Variants in UBR1 observed in about 807,000 individuals in gnomAD.
UBR1 encodes ubiquitin protein ligase E3 component n-recognin 1, also known as E3 ubiquitin-protein ligase UBR1.
A neutral mutation model predicts 242.1 loss-of-function variants in UBR1; 102 were observed. The observed-to-expected ratio is 0.42, with a 90% CI of 0.36 to 0.50. The LOEUF (loss-of-function observed/expected upper bound fraction) is 0.50, where lower values mean the gene tolerates loss of function less well. Among genes scored for constraint, UBR1 ranks in the 20% least tolerant of loss-of-function variants. UBR1 has a pLI of 0.01. For synonymous variants in UBR1, 675 were observed against 684.8 expected, an observed-to-expected ratio of 0.99 and a Z score of 0.22; for missense variants, 1,772 against 2,101.8, an observed-to-expected ratio of 0.84 and a Z score of 3.07.
intron 15 of UBR1, among the ~76,000 whole-genome samples, chr15:43,040,947 G>A (rs1345289908): frequency 6.6e-6 from 1 of 152,150 alleles, no homozygotes; most frequent in Non-Finnish European, 1.5e-5. Flanking sequence ...GAAACAACAA[G>A]TGCTGGAGAG....
intron 1 of UBR1, among the ~76,000 whole-genome samples, chr15:43,088,842 CAA>C (rs57879485): frequency 9.2e-5 from 13 of 141,432 alleles, no homozygotes; most frequent in African/African-American, 2.8e-4. Context: ...TTGCAACTAA[CAA>C]AAAAAAAAAA....
intron 1 of UBR1, among the ~76,000 whole-genome samples, chr15:43,087,227 A>G (rs1270923431): frequency 6.6e-6 from 1 of 151,996 alleles, no homozygotes; most frequent in East Asian, 1.9e-4. Flanking sequence ...AACACAGTGA[A>G]ACCCCGCCTC....
chr15:42,988,729 T>C (rs2032512348), intron 35 of UBR1, 90 bp downstream of exon 35: 3 of 1,531,252 alleles, frequency 2.0e-6, no homozygotes, highest in African/African-American at 1.4e-5. Context: ...CAAATTATTC[T>C]GGGCCATCAG....
intron 1 of UBR1, among the ~76,000 whole-genome samples, chr15:43,103,664 T>C (rs962308140): frequency 6.6e-6 from 1 of 152,202 alleles, no homozygotes; most frequent in South Asian, 2.1e-4. Flanking sequence ...CTAATAGCAA[T>C]ATGAATGAAA....
intron 1 of UBR1, among the ~76,000 whole-genome samples, chr15:43,101,971 A>AG (rs2141373617): frequency 7.0e-6 from 1 of 142,096 alleles, no homozygotes; most frequent in South Asian, 2.3e-4. Context: ...TGGCTCACAA[A>AG]AAAAAAAAAA....
chr15:43,040,569 C>A (rs545919564), intron 15 of UBR1, among the ~76,000 whole-genome samples: 3 of 152,266 alleles, frequency 2.0e-5, no homozygotes, highest in South Asian at 2.1e-4. Context: ...ACACCAAAAG[C>A]AATGGCAACA....
intron 29 of UBR1, among the ~76,000 whole-genome samples, chr15:43,010,818 C>CAAAAAAAAAA (rs768275252): frequency 3.6e-3 from 203 of 56,066 alleles, no homozygotes; most frequent in Middle Eastern, 0.013. Flanking sequence ...ACTAAAAATA[C>CAAAAAAAAAA]AAAAAAAAAA....
chr15:43,014,502 G>A (rs1229907931), intron 29 of UBR1, among the ~76,000 whole-genome samples: 3 of 150,180 alleles, frequency 2.0e-5, no homozygotes, highest in South Asian at 4.2e-4. Context: ...GCCACCCATC[G>A]TCTGAGATGT....
chr15:42,976,825 G>A lies in UBR1; in HGVS notation c.4261C>T (p.Pro1421Ser). 3 of 1,613,914 alleles carry A rather than the reference G, an allele frequency of 1.9e-6. No individual in the cohort carries two copies. Among genetic ancestry groups the A allele is most frequent in the Non-Finnish European group, 2.5e-6 (3 of 1,179,960 alleles). The change falls in exon 39 of 47, where the codon CCT (proline) becomes TCT (serine). Residue 1421 changes from proline (P) to serine (S), a missense_variant. Physicochemically the swap from Pro to Ser is moderately conservative, Grantham distance 74. Coordinates refer to ENST00000290650, the MANE Select transcript of UBR1 (RefSeq NM_174916.3). The stretch of plus-strand genomic sequence containing the variant: ...ACTGAAGAAGGCTGCAGATCAACAG[G>A]GTCATCCCAATACAAGGATGGGAAT... ...LAFPSLYWDD[P>S]VDLQPSSVSS...
At chr15:43,056,180 A>G (rs1407453906) in intron 11 of UBR1, among the ~76,000 whole-genome samples, 164 bp downstream of exon 11, 1 of 152,252 alleles carries the variant, frequency 6.6e-6, no homozygotes, top group African/African-American at 2.4e-5. Context: ...CATCTGAACC[A>G]AGGCAGCGCC....
intron 15 of UBR1, among the ~76,000 whole-genome samples, chr15:43,038,732 G>T (rs1596113586): frequency 1.3e-5 from 2 of 152,202 alleles, no homozygotes; most frequent in South Asian, 4.1e-4. Flanking sequence ...ACCATGCAAG[G>T]TGTGCTCATA....
intron 17 of UBR1, 111 bp from the exon 18 acceptor site, chr15:43,036,704 C>A: frequency 1.4e-6 from 1 of 710,434 alleles, no homozygotes; most frequent in Non-Finnish European, 2.4e-6. Context: ...CCTCAAAATC[C>A]TTAGTGGCAA....
At chr15:43,103,429 C>T (rs2034262086) in intron 1 of UBR1, among the ~76,000 whole-genome samples, 1 of 152,132 alleles carries the variant, frequency 6.6e-6, no homozygotes, top group Admixed American at 6.5e-5. Flanking sequence ...CTTCCAAATA[C>T]CTAGCTAAGT....
At position 43,027,693 on chromosome 15, in the gene UBR1, T is replaced by C; in HGVS notation, c.2432+83A>G. 4 of 1,333,608 alleles carry C rather than the reference T, an allele frequency of 3.0e-6. No homozygotes were observed. In the South Asian group the frequency reaches 4.8e-5, roughly 16 times the overall value. The allele number at this position is 1,333,608 out of a possible 1,614,324, so 82.6% of individuals were successfully genotyped here. The stretch of plus-strand genomic sequence containing the variant: ...TATTCTTGGGAGTTCAGGCAAGAAC[T>C]TCAGAGCTTCTACAAAGTATCCAAA... On this transcript the variant is annotated intron_variant, in intron 22 of 46. Transcript: ENST00000290650.
chr15:43,058,193 A>C, intron 10 of UBR1, 148 bp downstream of exon 10: 1 of 620,204 alleles, frequency 1.6e-6, no homozygotes. Context: ...TACAGGCGTG[A>C]GCCAACCCGC....
intron 3 of UBR1, among the ~76,000 whole-genome samples, chr15:43,081,252 A>C (rs1223817291): frequency 6.6e-6 from 1 of 151,964 alleles, no homozygotes; most frequent in East Asian, 1.9e-4. Context: ...CCCCATGTGT[A>C]TTAAAAATAC....
At chr15:43,014,945 C>T (rs1476061973) in intron 29 of UBR1, among the ~76,000 whole-genome samples, 6 of 150,938 alleles carry the variant, frequency 4.0e-5, no homozygotes, top group African/African-American at 9.7e-5. Context: ...AGCCCCCGCC[C>T]GGCCAGCTGC....
chr15:42,955,370 A>G (rs1171840795), intron 44 of UBR1, among the ~76,000 whole-genome samples: 1 of 152,232 alleles, frequency 6.6e-6, no homozygotes, highest in Non-Finnish European at 1.5e-5. Flanking sequence ...GTATTTTACT[A>G]AAACGTCTGG....
At chr15:43,045,397 G>C (rs1266267761) in intron 14 of UBR1, among the ~76,000 whole-genome samples, 1 of 152,038 alleles carries the variant, frequency 6.6e-6, no homozygotes, top group Non-Finnish European at 1.5e-5. Context: ...AGGCCAGGAG[G>C]TCAAGGCTGC....
Sources: gnomAD v4.1 joint callset for allele counts (sites outside exome capture counted in the v4.1 genomes callset) on GRCh38, gnomAD v4.1.1 for gene constraint, MANE v1.5 for transcripts, NCBI Gene and HGNC (gene_info 2026-07-23, HGNC 2026-07-21) for gene names.